CACNA1A: variants seen among roughly 807,000 people sequenced by gnomAD.
The protein encoded by CACNA1A is calcium voltage-gated channel subunit alpha1 A, also known as voltage-dependent P/Q-type calcium channel subunit alpha-1A.
In CACNA1A, 57 loss-of-function variants were observed where a neutral mutation model predicts 262.4. The observed-to-expected ratio is 0.22, with a 90% CI of 0.18 to 0.27. The LOEUF (loss-of-function observed/expected upper bound fraction) is 0.27. Among genes scored for constraint, CACNA1A ranks in the 10% least tolerant of loss-of-function variants. The pLI is 1.00. For synonymous variants in CACNA1A, 1,431 were observed against 1,419.3 expected, an observed-to-expected ratio of 1.01 and a Z score of -0.18; for missense variants, 2,526 against 3,562.8, an observed-to-expected ratio of 0.71 and a Z score of 7.41.
chr19:13,500,141 C>T (rs960152419), intron 1 of CACNA1A, among the ~76,000 whole-genome samples: 2 of 152,178 alleles, frequency 1.3e-5, no homozygotes, highest in African/African-American at 4.8e-5. Context: ...CAACTAAAAC[C>T]CATCAAAATC....
intron 40 of CACNA1A, among the ~76,000 whole-genome samples, chr19:13,213,325 CT>C (rs2054886773): frequency 6.6e-6 from 1 of 152,192 alleles, no homozygotes; most frequent in Non-Finnish European, 1.5e-5. Context: ...TCCCCTTTTC[CT>C]TCAAGCCTTT....
chr19:13,218,936 G>A (rs992494047), intron 38 of CACNA1A, among the ~76,000 whole-genome samples: 1 of 152,104 alleles, frequency 6.6e-6, no homozygotes, highest in Non-Finnish European at 1.5e-5. Flanking sequence ...GTTTCGCCAT[G>A]TTGGCCAGGC....
chr19:13,219,142 A>C (rs910896181), intron 38 of CACNA1A, among the ~76,000 whole-genome samples: 2 of 150,300 alleles, frequency 1.3e-5, no homozygotes, highest in African/African-American at 4.9e-5. Flanking sequence ...CCTGGGCTCA[A>C]GTGATTCTCC....
At chr19:13,435,439 C>CG (rs1233147573) in intron 3 of CACNA1A, among the ~76,000 whole-genome samples, 1 of 151,908 alleles carries the variant, frequency 6.6e-6, no homozygotes, top group Non-Finnish European at 1.5e-5. Flanking sequence ...AATGTGAGAA[C>CG]GGGCTAATAC....
intron 21 of CACNA1A, 165 bp from the exon 22 acceptor site, chr19:13,283,561 C>A: frequency 1.2e-6 from 1 of 826,908 alleles, no homozygotes; most frequent in Non-Finnish European, 1.8e-6. Flanking sequence ...TCTCTGGGTC[C>A]TGGAACCCCA....
chr19:13,295,676 T>C (rs1192049983), intron 19 of CACNA1A, among the ~76,000 whole-genome samples: 1 of 152,024 alleles, frequency 6.6e-6, no homozygotes, highest in Non-Finnish European at 1.5e-5. Context: ...ACTTCTTTTG[T>C]AGAGATCGAG....
At chr19:13,464,109 C>T (rs1200098925) in intron 1 of CACNA1A, among the ~76,000 whole-genome samples, 1 of 152,118 alleles carries the variant, frequency 6.6e-6, no homozygotes, top group East Asian at 1.9e-4. Context: ...TTAATGTGGG[C>T]CAAATGCAGA....
intron 3 of CACNA1A, among the ~76,000 whole-genome samples, chr19:13,378,872 T>G (rs1311995668): frequency 6.6e-6 from 1 of 152,032 alleles, no homozygotes; most frequent in Non-Finnish European, 1.5e-5. Context: ...TTTCACCATG[T>G]TGGCTGGGCT....
chr19:13,388,800 G>A (rs982553987), intron 3 of CACNA1A, among the ~76,000 whole-genome samples: 3 of 152,154 alleles, frequency 2.0e-5, no homozygotes, highest in African/African-American at 4.8e-5. Flanking sequence ...GCAAAAACAC[G>A]TGCGATATTT....
intron 3 of CACNA1A, among the ~76,000 whole-genome samples, chr19:13,438,331 C>T (rs1237808939): frequency 6.6e-6 from 1 of 152,242 alleles, no homozygotes; most frequent in East Asian, 1.9e-4. Context: ...AGCTTCATTG[C>T]TTGCTTTGGA....
chr19:13,398,151 T>G (rs1349503082), intron 3 of CACNA1A, among the ~76,000 whole-genome samples: 3 of 151,642 alleles, frequency 2.0e-5, no homozygotes, highest in Non-Finnish European at 2.9e-5. Flanking sequence ...TAATTCCAGC[T>G]ACTGGGGAGG....
In CACNA1A at chr19:13,214,747, C is replaced by T. The variant is rs906862424; in HGVS notation, c.5732-139G>A. The T allele has an allele frequency of 4.4e-6, 3 of 686,848 alleles. No individual in the cohort carries two copies. The highest frequency in any genetic ancestry group is 5.1e-6 in the Non-Finnish European group (2 of 394,386). The allele number at this position is 686,848 out of a possible 1,614,324, so 42.5% of individuals were successfully genotyped here. A position where few individuals can be genotyped will look rare whatever the true frequency, so the allele number is the denominator to read the frequency against. ...ATGGGGTCTCCAGTTCCCCAACGGC[C>T]TGGCCCAGAGGAGGCCCTGGGCAGT... On this transcript the variant is annotated intron_variant, in intron 38 of 46. Coordinates refer to ENST00000360228, the MANE Select transcript of CACNA1A (RefSeq NM_001127222.2). The surrounding 1 kb of genome is among the most constrained non-coding windows in gnomAD (Gnocchi z 4.1).
At chr19:13,240,642 C>T (rs376696501) in intron 31 of CACNA1A, among the ~76,000 whole-genome samples, 21 of 141,290 alleles carry the variant, frequency 1.5e-4, no homozygotes, top group South Asian at 7.1e-4. Context: ...GCAGTGTCTG[C>T]GCAGTGACTG....
intron 36 of CACNA1A, 96 bp from the exon 37 acceptor site, chr19:13,227,623 A>G (rs962615621): frequency 1.4e-5 from 7 of 492,106 alleles, no homozygotes; most frequent in African/African-American, 1.4e-4. Flanking sequence ...GGGGAGAAAC[A>G]GAAGAAAGAA....
Position 13,303,843 on chromosome 19 carries a change from C to G in CACNA1A, c.2028G>C (p.Gly676=). 1.9e-6 allele frequency: 3 copies of G among 1,613,798 alleles called. No homozygotes were observed. Among genetic ancestry groups the G allele is most frequent in the Non-Finnish European group, 2.5e-6 (3 of 1,179,804 alleles). Residue 676 remains glycine, a synonymous_variant, in exon 16 of 47, where the codon GGG becomes GGC. Transcript: ENST00000360228. The part of the protein sequence containing the change: ...GEDWNEVMYD[G]IKSQGGVQGG... ...CCTGCACGCCCCCCTGAGACTTGATCCCGTCGTACATGACCTCGTTCCAGT... is the reference window on the plus strand; with the variant it reads ...CCTGCACGCCCCCCTGAGACTTGATGCCGTCGTACATGACCTCGTTCCAGT...
chr19:13,482,466 G>A (rs1979442307), intron 1 of CACNA1A, among the ~76,000 whole-genome samples: 1 of 146,762 alleles, frequency 6.8e-6, no homozygotes, highest in Non-Finnish European at 1.5e-5. Context: ...TTGGGTGACA[G>A]AGTGAGACTC....
chr19:13,215,558 A>T (rs539192789), intron 38 of CACNA1A, among the ~76,000 whole-genome samples: 8 of 149,848 alleles, frequency 5.3e-5, no homozygotes, highest in African/African-American at 1.5e-4. Context: ...ACCTCAGGTG[A>T]TCCACCCTCC....
intron 4 of CACNA1A, chr19:13,366,164 G>A (rs149940152): frequency 0.03 from 4,626 of 152,068 alleles, 233 homozygotes; most frequent in African/African-American, 0.1. Context: ...GGGTTTCACC[G>A]TGTTAGCCAG....
chr19:13,478,938 C>A (rs1370152589), intron 1 of CACNA1A, among the ~76,000 whole-genome samples: 2 of 152,172 alleles, frequency 1.3e-5, no homozygotes, highest in African/African-American at 4.8e-5. Flanking sequence ...CTTTGGAAGG[C>A]TGAGGTGGGT....
Sources: allele counts gnomAD v4.1 joint callset (sites outside exome capture counted in the v4.1 genomes callset), GRCh38; gene constraint gnomAD v4.1.1; non-coding constraint Gnocchi (gnomAD v3.1); transcripts MANE v1.5; gene names NCBI Gene and HGNC (gene_info 2026-07-23, HGNC 2026-07-21).